Variants in ELMO1 observed in about 807,000 individuals in gnomAD.
The protein encoded by ELMO1 is engulfment and cell motility protein 1.
In ELMO1, 26 loss-of-function variants were observed where a neutral mutation model predicts 98.9. That is an observed-to-expected ratio of 0.26 (90% confidence interval 0.19 to 0.36). The LOEUF is 0.36. ELMO1 is among the 10% of genes least tolerant of loss of function. The probability of loss-of-function intolerance (pLI) is 1.00; values close to 1 mark genes in which losing one functional copy is unlikely to be tolerated. For synonymous variants in ELMO1, 346 were observed against 346.0 expected (o/e 1.00, Z 0.00); for missense variants, 627 against 935.2 (o/e 0.67, Z 4.30).
At chr7:36,928,618 GT>G (rs1489786846) in intron 16 of ELMO1, among the ~76,000 whole-genome samples, 1 of 152,140 alleles carries the variant, frequency 6.6e-6, no homozygotes, top group Non-Finnish European at 1.5e-5. Flanking sequence ...GCTCTGTTTG[GT>G]TCCCACTGCC....
chr7:36,858,968 A>G (rs1014969936), intron 21 of ELMO1, among the ~76,000 whole-genome samples: 1 of 152,228 alleles, frequency 6.6e-6, no homozygotes, highest in African/African-American at 2.4e-5. Context: ...GTTTGTTACA[A>G]TAGCAACAGT....
intron 15 of ELMO1, among the ~76,000 whole-genome samples, chr7:37,048,056 C>T (rs975362854): frequency 3.3e-5 from 5 of 152,296 alleles, no homozygotes; most frequent in African/African-American, 1.2e-4. Flanking sequence ...TTGAAATTTA[C>T]AACAAAACAG....
intron 15 of ELMO1, among the ~76,000 whole-genome samples, chr7:37,079,521 A>G (rs996152389): frequency 3.3e-5 from 5 of 152,116 alleles, no homozygotes; most frequent in Non-Finnish European, 5.9e-5. Flanking sequence ...AGCAGCATGC[A>G]TCTCTACTAA....
At chr7:37,267,059 ACACAC>A (rs1796302521) in intron 5 of ELMO1, among the ~76,000 whole-genome samples, 1 of 144,276 alleles carries the variant, frequency 6.9e-6, no homozygotes. Flanking sequence ...ACACACACAC[ACACAC>A]ACACACACAC....
At chr7:36,918,308 G>C (rs1021601878) in intron 16 of ELMO1, among the ~76,000 whole-genome samples, 1 of 152,080 alleles carries the variant, frequency 6.6e-6, no homozygotes, top group Non-Finnish European at 1.5e-5. Flanking sequence ...CAATGTAGGA[G>C]GTGCTCAACA....
In ELMO1 at chr7:37,224,973, C is replaced by T. The variant is rs1793785296; in HGVS notation, c.607G>A (p.Ala203Thr). 1.9e-6 allele frequency: 3 copies of T among 1,613,960 alleles called. No homozygotes were observed. Among genetic ancestry groups the T allele is most frequent in the African/African-American group, 2.7e-5 (2 of 74,902 alleles). ...TTGAGCACCATCGACTCCAAAATGG[C>T]CAAGGACCGCTGCAGGATCGAGATG... ...IDISILQRSL[A>T]ILESMVLNSH... Residue 203 changes from alanine to threonine, a missense_variant, in exon 9 of 22, where the codon GCC becomes ACC. Ala to Thr is a moderately conservative substitution (Grantham distance 58, BLOSUM62 0). Around this residue, in one of 3 missense-constraint regions of ELMO1, gnomAD observed 492 missense variants for 715.6 expected, o/e 0.69. Coordinates refer to ENST00000310758, the MANE Select transcript of ELMO1 (RefSeq NM_014800.11).
At chr7:37,092,534 A>T (rs1228706426) in intron 15 of ELMO1, among the ~76,000 whole-genome samples, 1 of 151,788 alleles carries the variant, frequency 6.6e-6, no homozygotes, top group African/African-American at 2.4e-5. Flanking sequence ...ACCCGCCACC[A>T]TGCCCGGCTA....
intron 1 of ELMO1, among the ~76,000 whole-genome samples, chr7:37,376,479 G>A (rs1016557133): frequency 6.6e-6 from 1 of 152,186 alleles, no homozygotes; most frequent in Non-Finnish European, 1.5e-5. Context: ...TAAAACCTAA[G>A]ATTGGTCTTT....
intron 8 of ELMO1, among the ~76,000 whole-genome samples, chr7:37,231,902 G>C (rs1794194845): frequency 6.6e-6 from 1 of 152,104 alleles, no homozygotes; most frequent in Non-Finnish European, 1.5e-5. Flanking sequence ...ACCCAGACTG[G>C]AGTGTAGTGG....
At chr7:37,092,990 T>C (rs138968122) in intron 15 of ELMO1, among the ~76,000 whole-genome samples, 242 of 151,740 alleles carry the variant, frequency 1.6e-3, no homozygotes, top group African/African-American at 5.6e-3. Context: ...TGCAAGTAAG[T>C]CTTCCCTTCA....
intron 18 of ELMO1, among the ~76,000 whole-genome samples, chr7:36,883,146 C>A (rs1005219159): frequency 6.6e-6 from 1 of 152,068 alleles, no homozygotes; most frequent in Non-Finnish European, 1.5e-5. Flanking sequence ...GTGGTAGGTA[C>A]GCATTTTGCC....
chr7:37,222,498 T>C, intron 10 of ELMO1, 117 bp downstream of exon 10: 1 of 1,004,048 alleles, frequency 1.0e-6, no homozygotes, highest in South Asian at 1.5e-5. Context: ...GGAGAGTCCA[T>C]CTGTGGCCAG....
At chr7:36,975,481 CAG>C (rs1052963113) in intron 16 of ELMO1, among the ~76,000 whole-genome samples, 4 of 151,052 alleles carry the variant, frequency 2.6e-5, no homozygotes, top group Admixed American at 2.6e-4. Flanking sequence ...TAAAACAAAA[CAG>C]AAAATTTTCA....
Position 37,331,355 on chromosome 7 carries a change from TGGA to T in ELMO1, c.78+11255_78+11257del, listed in dbSNP as rs1800107853. Reference sequence around the variant, plus strand: ...TGGCTTTTTTTTTTTTTTTTTTTTTTGGAATTTTAGTAGAGACAGGGTTTCACT... The same window carrying T: ...TGGCTTTTTTTTTTTTTTTTTTTTTTATTTTAGTAGAGACAGGGTTTCACT... On this transcript the variant is annotated intron_variant, in intron 2 of 21. Transcript: ENST00000310758. Among the ~76,000 whole-genome samples, 31 of 105,612 alleles carry T rather than the reference TGGA, an allele frequency of 2.9e-4. 1 individual carries two copies. Among genetic ancestry groups the T allele is most frequent in the South Asian group, 7.4e-4 (2 of 2,706 alleles). The allele number at this position is 105,612 out of a possible 152,430, so 69.3% of individuals were successfully genotyped here.
At chr7:37,174,039 T>C (rs1052652110) in intron 13 of ELMO1, among the ~76,000 whole-genome samples, 8 of 152,236 alleles carry the variant, frequency 5.3e-5, no homozygotes, top group African/African-American at 1.9e-4. Context: ...TCTCTTTGCC[T>C]TGAATCTGCC....
intron 13 of ELMO1, among the ~76,000 whole-genome samples, chr7:37,190,630 T>C: frequency 6.6e-6 from 1 of 152,082 alleles, no homozygotes; most frequent in East Asian, 1.9e-4. Context: ...CTCGAGTAGC[T>C]GGGATTACGG....
chr7:37,219,230 C>A (rs1793463626), intron 10 of ELMO1, among the ~76,000 whole-genome samples: 1 of 152,178 alleles, frequency 6.6e-6, no homozygotes, highest in African/African-American at 2.4e-5. Flanking sequence ...AGGCCTCTCT[C>A]AGTAAGGCCT....
At chr7:37,208,784 C>T (rs1792791524) in intron 13 of ELMO1, among the ~76,000 whole-genome samples, 2 of 152,168 alleles carry the variant, frequency 1.3e-5, no homozygotes, top group Non-Finnish European at 2.9e-5. Flanking sequence ...AAAATCATTA[C>T]TAAATAGTCG....
At chr7:37,317,227 T>A (rs1002016840) in intron 2 of ELMO1, among the ~76,000 whole-genome samples, 1 of 152,124 alleles carries the variant, frequency 6.6e-6, no homozygotes, top group African/African-American at 2.4e-5. Context: ...TCCAAGGGCC[T>A]CCCTAACCCC....
Sources: gnomAD v4.1 joint callset for allele counts (sites outside exome capture counted in the v4.1 genomes callset) on GRCh38, gnomAD v4.1.1 for gene constraint, gnomAD v4.1.1 regional missense constraint, MANE v1.5 for transcripts, NCBI Gene and HGNC (gene_info 2026-07-23, HGNC 2026-07-21) for gene names.